NRAP: variants seen among roughly 807,000 people sequenced by gnomAD.
NRAP encodes nebulin-related-anchoring protein.
Under a neutral mutation model 225.9 loss-of-function variants are expected in NRAP, and 189 were observed. The observed-to-expected ratio is 0.84, with a 90% confidence interval of 0.74 to 0.94. NRAP has a LOEUF of 0.94. Ranked by LOEUF, NRAP falls within the 40% of genes least tolerant of loss-of-function variation. NRAP has a pLI of 0.00. For missense variants in NRAP, 2,176 were observed against 2,168.7 expected, an observed-to-expected ratio of 1.00 and a Z score of -0.07; for synonymous variants, 769 against 790.7, an observed-to-expected ratio of 0.97 and a Z score of 0.46.
At chr10:113,606,379 T>C (rs1465088927) in intron 32 of NRAP, 97 bp from the exon 33 acceptor site, 7 of 729,778 alleles carry the variant, frequency 9.6e-6, no homozygotes, top group East Asian at 8.0e-5. Flanking sequence ...GGAAACACAA[T>C]AGCAAAAAAC....
chr10:113,618,477 G>T (rs139157351), intron 25 of NRAP, among the ~76,000 whole-genome samples: 2 of 152,330 alleles, frequency 1.3e-5, no homozygotes, highest in Admixed American at 6.5e-5. Flanking sequence ...TCACTTACGT[G>T]CTGCCTATGG....
Position 113,605,819 on chromosome 10 carries a change from C to T in NRAP, c.3858G>A (p.Leu1286=), listed in dbSNP as rs1180921631. 6.2e-7 allele frequency: 1 copy of T among 1,614,184 alleles called. No homozygotes were observed. Among genetic ancestry groups the T allele is most frequent in the Non-Finnish European group, 8.5e-7 (1 of 1,180,022 alleles). Residue 1286 remains leucine, a synonymous_variant, in exon 34 of 42, where the codon CTG becomes CTA. Coordinates refer to ENST00000359988, the MANE Select transcript of NRAP (RefSeq NM_198060.4). ...WRNLRAQGYK[L]TIEALPFQAA... ...CCTGGAAGGGGAGCGCTTCTATTGT[C>T]AGCTTGTAGCCTTGAGCACGAAGAT... is the stretch of plus-strand genomic sequence containing the variant.
Position 113,608,512 on chromosome 10 carries a change from T to C in NRAP, c.3604A>G (p.Ser1202Gly). 1 of 1,600,896 alleles carries C rather than the reference T, an allele frequency of 6.2e-7. No homozygotes were observed. Among genetic ancestry groups the C allele is most frequent in the Non-Finnish European group, 8.6e-7 (1 of 1,168,790 alleles). The part of the protein sequence containing the change: ...RKKASELISE[S>G]KYRQHPHSFK... ...GAGTGGGGATGCTGCCGATATTTACTCTGAATTCACACACAAGAAGGGAAG... is the reference window on the plus strand; with the variant it reads ...GAGTGGGGATGCTGCCGATATTTACCCTGAATTCACACACAAGAAGGGAAG... Residue 1202 changes from serine to glycine, a missense_variant and splice_region_variant, in exon 32 of 42, where the codon AGT becomes GGT. Ser to Gly is a moderately conservative substitution (Grantham distance 56, BLOSUM62 0). Around this residue, in one of 3 missense-constraint regions of NRAP, gnomAD observed 1,708 missense variants for 1,695.5 expected, o/e 1.01. Transcript: ENST00000359988.
chr10:113,634,101 C>G lies in NRAP; in HGVS notation c.1527+11G>C, dbSNP rs1434277248. 1 of 1,589,738 alleles carries G rather than the reference C, an allele frequency of 6.3e-7. No homozygotes were observed. The highest frequency in any genetic ancestry group is 1.7e-5 in the Admixed American group (1 of 59,978). On this transcript the variant is annotated intron_variant, in intron 15 of 41. Coordinates refer to ENST00000359988, the MANE Select transcript of NRAP (RefSeq NM_198060.4). ...ACCCCTACATCCAGCTGGGCAGGGA[C>G]AGTTACTTACATGACTCAGCTGCTG...
At chr10:113,600,021 A>T (rs1227175517) in intron 35 of NRAP, among the ~76,000 whole-genome samples, 1 of 152,222 alleles carries the variant, frequency 6.6e-6, no homozygotes, top group Non-Finnish European at 1.5e-5. Flanking sequence ...TGTGCCCAGC[A>T]AGTGCCTGGG....
At position 113,595,670 on chromosome 10, in the gene NRAP, G is replaced by C. The variant is rs201085371; in HGVS notation, c.4489C>G (p.His1497Asp). ...SLHRYTLIPD[H>D]PDFTRARLNA... The stretch of plus-strand genomic sequence containing the variant: ...AGGCGAGCTCGGGTGAAATCGGGAT[G>C]GTCGGGGATCAGGGTGTATCTGTGC... Residue 1497 changes from histidine (H) to aspartate (D), a missense_variant, in exon 38 of 42, where the codon CAT becomes GAT. This residue lies in a region of NRAP where 445 missense variants were observed against 426.1 expected (regional missense o/e 1.04). Coordinates refer to ENST00000359988, the MANE Select transcript of NRAP (RefSeq NM_198060.4). The C allele has an allele frequency of 9.9e-5, 160 of 1,613,882 alleles. No individual in the cohort carries two copies. The highest frequency in any genetic ancestry group is 5.9e-6 in the Non-Finnish European group (7 of 1,179,852).
intron 37 of NRAP, 29 bp from the exon 38 acceptor site, chr10:113,595,756 A>G: frequency 6.8e-7 from 1 of 1,479,450 alleles, no homozygotes; most frequent in Non-Finnish European, 9.4e-7. Context: ...CATGGTAAAT[A>G]GAGAACTGTG....
At chr10:113,626,285 C>T in intron 20 of NRAP, 140 bp from the exon 21 acceptor site, 1 of 631,368 alleles carries the variant, frequency 1.6e-6, no homozygotes, top group Non-Finnish European at 2.8e-6. Flanking sequence ...GTTCCTGCAG[C>T]TTGAACAGAA....
intron 35 of NRAP, among the ~76,000 whole-genome samples, chr10:113,601,789 C>A (rs1245690466): frequency 6.6e-6 from 1 of 152,144 alleles, no homozygotes; most frequent in Non-Finnish European, 1.5e-5. Context: ...AAAAATTTGA[C>A]ATTATGTGGA....
In NRAP at chr10:113,595,901, C is replaced by G. The variant is rs144184027; in HGVS notation, c.4432-174G>C. ...AGAACCCACAATTTGATGGAAGATG[C>G]CTTTATAGCCAGGGTCAGATGGGGC... On this transcript the variant is annotated intron_variant, in intron 37 of 41. Coordinates refer to ENST00000359988, the MANE Select transcript of NRAP (RefSeq NM_198060.4). Among the ~76,000 whole-genome samples, 6 of 152,144 alleles carry G rather than the reference C, an allele frequency of 3.9e-5. No individual in the cohort carries two copies. The East Asian group carries it at 9.6e-4, about 24-fold the overall frequency.
intron 9 of NRAP, 43 bp downstream of exon 9, chr10:113,649,994 A>G: frequency 8.6e-7 from 1 of 1,165,522 alleles, no homozygotes; most frequent in Admixed American, 1.7e-5. Flanking sequence ...AGAATGGGCC[A>G]AACATGGAAA....
intron 11 of NRAP, among the ~76,000 whole-genome samples, chr10:113,644,331 G>T (rs1444225921): frequency 1.3e-5 from 2 of 152,004 alleles, no homozygotes; most frequent in African/African-American, 4.8e-5. Context: ...GTCCCATCTA[G>T]GTCTAGTGTT....
intron 27 of NRAP, 42 bp downstream of exon 27, chr10:113,615,670 C>G (rs775450480): frequency 7.2e-6 from 8 of 1,112,232 alleles, no homozygotes; most frequent in Non-Finnish European, 1.1e-5. Context: ...ACCAGCCCCG[C>G]TCTCCCGTCA....
At position 113,615,789 on chromosome 10, in the gene NRAP, TG is replaced by T. The variant is rs775333173; in HGVS notation, c.3000del (p.Asn1000LysfsTer2). On this transcript the variant is annotated frameshift_variant, in exon 27 of 42. Transcript: ENST00000359988. LOFTEE classifies it high-confidence loss of function. ...GCAGTCGGTGTGTAATGATGCTTTA[TG>T]TTTTCTCCTTGTTCCCTGTATAATC... is the stretch of plus-strand genomic sequence containing the variant. Reference protein sequence around the residue: ...VDRLYREQGENIKHHYTPTAD... With the variant: ...VDRLYREQGEXIKHHYTPTAD... The T allele has an allele frequency of 3.7e-6, 6 of 1,606,748 alleles. No individual in the cohort carries two copies. The South Asian group carries it at 6.6e-5, about 18-fold the overall frequency.
At position 113,591,216 on chromosome 10, in the gene NRAP, A is replaced by G. The variant is rs922109199; in HGVS notation, c.4645-327T>C. 1.8e-4 allele frequency among the ~76,000 whole-genome samples: 28 copies of G among 152,204 alleles called. 1 individual carries two copies. Among genetic ancestry groups the G allele is most frequent in the Admixed American group, 1.8e-3 (28 of 15,284 alleles). On this transcript the variant is annotated intron_variant, in intron 39 of 41. Transcript: ENST00000359988. ...TGGCTACTGGTATTGTCACTATTGTAATTAATACTCCAACAGGAAGATAAA... is the reference window on the plus strand; with the variant it reads ...TGGCTACTGGTATTGTCACTATTGTGATTAATACTCCAACAGGAAGATAAA...
intron 10 of NRAP, among the ~76,000 whole-genome samples, chr10:113,646,183 GA>G (rs965549583): frequency 8.6e-5 from 13 of 151,736 alleles, no homozygotes; most frequent in African/African-American, 2.4e-4. Flanking sequence ...TTCTGCGTGG[GA>G]AAAAAAAGTC....
chr10:113,627,042 C>A (rs899679564), intron 20 of NRAP, among the ~76,000 whole-genome samples: 4 of 152,184 alleles, frequency 2.6e-5, no homozygotes, highest in Admixed American at 6.5e-5. Context: ...CTGGTTCTGG[C>A]AAAACTCCCC....
Position 113,604,810 on chromosome 10 carries a change from G to A in NRAP, c.4026C>T (p.Ser1342=), listed in dbSNP as rs370051920. ...TCGCCCCCCTCCTGTACTGAAGCTC[G>A]CTCTGCAGCTGGCCCATGCGCCGGC... is the stretch of plus-strand genomic sequence containing the variant. ...QHCRRMGQLQ[S]ELQYRRGATS... is the part of the protein sequence containing the mutation. The change falls in exon 35 of 42, where the codon AGC becomes AGT. Residue 1342 remains serine, a synonymous_variant. Coordinates refer to ENST00000359988, the MANE Select transcript of NRAP (RefSeq NM_198060.4). 5.0e-6 allele frequency: 8 copies of A among 1,614,148 alleles called. No homozygotes were observed. The Middle Eastern group carries it at 6.6e-4, about 133-fold the overall frequency.
Position 113,614,176 on chromosome 10 carries a change from C to G in NRAP, c.3300+7G>C, listed in dbSNP as rs373113525. ...CTGCAGCCGCTGATGCCTCTCCCCC[C>G]ACTTACATCACTCTGCAGTGAGGTC... is the stretch of plus-strand genomic sequence containing the variant. On this transcript the variant is annotated splice_region_variant and intron_variant, in intron 29 of 41. Transcript: ENST00000359988. 2.0e-5 allele frequency: 32 copies of G among 1,589,136 alleles called. No homozygotes were observed. The highest frequency in any genetic ancestry group is 1.7e-4 in the African/African-American group (13 of 74,570).
Sources: allele counts gnomAD v4.1 joint callset (sites outside exome capture counted in the v4.1 genomes callset), GRCh38; gene constraint gnomAD v4.1.1; regional missense constraint gnomAD v4.1.1; transcripts MANE v1.5; gene names NCBI Gene and HGNC (gene_info 2026-07-23, HGNC 2026-07-21).